MYO16: variants seen among roughly 807,000 people sequenced by gnomAD.
MYO16 encodes unconventional myosin-XVI.
In MYO16, 94 loss-of-function variants were observed where a neutral mutation model predicts 205.3. That is an observed-to-expected ratio of 0.46 (90% confidence interval 0.39 to 0.54). The LOEUF (loss-of-function observed/expected upper bound fraction) is 0.54, where lower values mean the gene tolerates loss of function less well. Ranked by LOEUF, MYO16 falls within the 20% of genes least tolerant of loss-of-function variation. The pLI is 0.00. For missense variants in MYO16, 2,315 were observed against 2,387.5 expected (o/e 0.97, Z 0.63); for synonymous variants, 988 against 954.0 (o/e 1.04, Z -0.66).
chr13:108,886,581 C>G, intron 13 of MYO16: 1 of 437,662 alleles, frequency 2.3e-6, no homozygotes, highest in South Asian at 1.6e-5. Context: ...GCGCAAACTG[C>G]TGGCGGCTCC....
At chr13:109,038,214 G>A (rs953093821) in intron 23 of MYO16, among the ~76,000 whole-genome samples, 1 of 152,160 alleles carries the variant, frequency 6.6e-6, no homozygotes, top group Non-Finnish European at 1.5e-5. Flanking sequence ...CTGGGCCATG[G>A]GATGCCCAGA....
intron 33 of MYO16, 29 bp downstream of exon 33, chr13:109,165,088 T>C: frequency 6.5e-7 from 1 of 1,548,034 alleles, no homozygotes; most frequent in Non-Finnish European, 8.7e-7. Context: ...CAGAAGTAAA[T>C]GTACAAAAGT....
At chr13:108,642,967 T>C (rs771986465) in intron 1 of MYO16, among the ~76,000 whole-genome samples, 1 of 152,200 alleles carries the variant, frequency 6.6e-6, no homozygotes. Context: ...ATGTAACTCT[T>C]CCATTATTGT....
chr13:108,528,735 C>T, the MYO16 span, among the ~76,000 whole-genome samples: 12 of 126,084 alleles, frequency 9.5e-5, no homozygotes, highest in African/African-American at 3.3e-4. Flanking sequence ...CTTCCCTTCA[C>T]CTCCCCTCAC....
intron 4 of MYO16, among the ~76,000 whole-genome samples, chr13:108,744,581 T>C (rs924718314): frequency 6.6e-6 from 1 of 152,262 alleles, no homozygotes; most frequent in Non-Finnish European, 1.5e-5. Flanking sequence ...CCAGACAATC[T>C]GACTTCAGCC....
intron 28 of MYO16, among the ~76,000 whole-genome samples, chr13:109,112,617 C>T (rs1185862830): frequency 6.6e-6 from 1 of 151,734 alleles, no homozygotes; most frequent in East Asian, 1.9e-4. Context: ...TAGCCAGGCA[C>T]GGTGGCGCAT....
chr13:108,545,881 T>C, the MYO16 span, among the ~76,000 whole-genome samples: 2 of 152,208 alleles, frequency 1.3e-5, no homozygotes, highest in African/African-American at 4.8e-5. Context: ...CAACCTCTCC[T>C]GTCTTTAGTG....
chr13:109,034,761 A>G (rs540316613), intron 23 of MYO16, among the ~76,000 whole-genome samples: 5 of 152,338 alleles, frequency 3.3e-5, no homozygotes, highest in African/African-American at 1.2e-4. Context: ...TATTAGCCAT[A>G]TCAAAGGCAA....
chr13:108,852,190 A>G lies in MYO16; in HGVS notation c.1249-3253A>G, dbSNP rs149688916. Among the ~76,000 whole-genome samples the G allele has an allele frequency of 2.0e-4, 30 of 152,256 alleles. No homozygotes were observed. The East Asian group carries it at 5.8e-3, about 29-fold the overall frequency. On this transcript the variant is annotated intron_variant, in intron 10 of 34. Transcript: ENST00000457511. ...GTTTTTCCCTTCACGTACATTTTGT[A>G]CTTGTCATTTCTTATTTCTGTCCTA...
At chr13:108,582,443 T>C in the MYO16 span, among the ~76,000 whole-genome samples, 4 of 152,188 alleles carry the variant, frequency 2.6e-5, no homozygotes, top group African/African-American at 9.6e-5. Flanking sequence ...AGAGAGGATA[T>C]TCTGACCAAG....
intron 4 of MYO16, among the ~76,000 whole-genome samples, chr13:108,738,038 G>C (rs1031872098): frequency 6.6e-6 from 1 of 151,944 alleles, no homozygotes; most frequent in Non-Finnish European, 1.5e-5. Context: ...TTCTTTATTA[G>C]TCTTGCTAGT....
At chr13:109,190,557 A>G (rs1409651931) in intron 34 of MYO16, among the ~76,000 whole-genome samples, 1 of 152,210 alleles carries the variant, frequency 6.6e-6, no homozygotes, top group Non-Finnish European at 1.5e-5. Context: ...CAGCCCCAGA[A>G]GAATTAAGAG....
chr13:108,724,090 A>C (rs1884255551), intron 3 of MYO16, among the ~76,000 whole-genome samples: 1 of 152,216 alleles, frequency 6.6e-6, no homozygotes, highest in Non-Finnish European at 1.5e-5. Flanking sequence ...ATCTTAATTT[A>C]AAAATTATTT....
chr13:108,801,874 C>A (rs1389428233), intron 6 of MYO16, among the ~76,000 whole-genome samples: 1 of 152,136 alleles, frequency 6.6e-6, no homozygotes, highest in Non-Finnish European at 1.5e-5. Flanking sequence ...TTAAGTGATC[C>A]AAACATTCAA....
intron 34 of MYO16, among the ~76,000 whole-genome samples, chr13:109,183,473 A>G (rs981297860): frequency 6.6e-6 from 1 of 152,228 alleles, no homozygotes; most frequent in African/African-American, 2.4e-5. Flanking sequence ...CTAGTTACAC[A>G]TCTGTTTAGG....
intron 34 of MYO16, among the ~76,000 whole-genome samples, chr13:109,196,861 A>G (rs1398594204): frequency 6.6e-6 from 1 of 152,190 alleles, no homozygotes; most frequent in African/African-American, 2.4e-5. Flanking sequence ...TTTAAAAATA[A>G]AAATTACAGA....
chr13:108,785,362 GA>G, intron 4 of MYO16, among the ~76,000 whole-genome samples: 1 of 152,304 alleles, frequency 6.6e-6, no homozygotes, highest in South Asian at 2.1e-4. Flanking sequence ...CCACACACTA[GA>G]GATGCTGGGT....
At chr13:108,995,774 AT>A (rs1257711376) in intron 21 of MYO16, among the ~76,000 whole-genome samples, 4 of 152,128 alleles carry the variant, frequency 2.6e-5, no homozygotes, top group African/African-American at 9.7e-5. Flanking sequence ...TGAACTCATC[AT>A]TTTTTATGGC....
chr13:108,982,100 G>T (rs1884464696), intron 20 of MYO16, among the ~76,000 whole-genome samples: 1 of 152,222 alleles, frequency 6.6e-6, no homozygotes, highest in Non-Finnish European at 1.5e-5. Flanking sequence ...GAAATAAGGA[G>T]ATGGAGATAG....
Sources: gnomAD v4.1 joint callset for allele counts (sites outside exome capture counted in the v4.1 genomes callset) on GRCh38, gnomAD v4.1.1 for gene constraint, MANE v1.5 for transcripts, NCBI Gene and HGNC (gene_info 2026-07-23, HGNC 2026-07-21) for gene names.